KCNN2: variants seen among roughly 807,000 people sequenced by gnomAD.
KCNN2 encodes potassium calcium-activated channel subfamily N member 2, also known as small conductance calcium-activated potassium channel protein 2.
A neutral mutation model predicts 55.5 loss-of-function variants in KCNN2; 24 were observed. That is an observed-to-expected ratio of 0.43 (90% CI 0.31 to 0.61). The LOEUF (loss-of-function observed/expected upper bound fraction) is 0.61, where lower values mean the gene tolerates loss of function less well. KCNN2 is among the 20% of genes least tolerant of loss of function. The pLI is 0.08. For synonymous variants in KCNN2, 431 were observed against 336.1 expected (o/e 1.28, Z -3.09); for missense variants, 754 against 853.6 (o/e 0.88, Z 1.45).
intron 2 of KCNN2, among the ~76,000 whole-genome samples, chr5:114,265,891 CATT>C (rs1376429848): frequency 2.6e-5 from 4 of 152,130 alleles, no homozygotes; most frequent in Non-Finnish European, 5.9e-5. Flanking sequence ...TCAAAGCAAA[CATT>C]ATTGTATTTG....
chr5:114,101,665 A>G (rs566331516), intron 1 of KCNN2, among the ~76,000 whole-genome samples: 1 of 151,490 alleles, frequency 6.6e-6, no homozygotes, highest in East Asian at 2.0e-4. Flanking sequence ...ACCCCCACTT[A>G]TGAGTGAGAA....
intron 2 of KCNN2, among the ~76,000 whole-genome samples, chr5:114,343,529 T>C (rs962628553): frequency 1.3e-5 from 2 of 152,032 alleles, no homozygotes; most frequent in Non-Finnish European, 2.9e-5. Context: ...CCATAAAAAA[T>C]AATACATACA....
At chr5:114,159,795 G>T (rs558397512) in intron 1 of KCNN2, among the ~76,000 whole-genome samples, 1 of 152,292 alleles carries the variant, frequency 6.6e-6, no homozygotes, top group Admixed American at 6.5e-5. Context: ...TTGCGTAGAG[G>T]TGTTTATAGT....
intron 1 of KCNN2, among the ~76,000 whole-genome samples, chr5:114,115,137 TCA>T (rs1025417688): frequency 1.3e-5 from 2 of 152,168 alleles, no homozygotes; most frequent in African/African-American, 4.8e-5. Context: ...TGTCAGGCTT[TCA>T]TTGAGTTCAC....
chr5:114,426,660 G>A (rs1466082629), intron 3 of KCNN2, among the ~76,000 whole-genome samples: 1 of 152,060 alleles, frequency 6.6e-6, no homozygotes. Flanking sequence ...AACATTTGTG[G>A]TCATTGGAAC....
chr5:114,122,449 T>G (rs1233267009), intron 1 of KCNN2, among the ~76,000 whole-genome samples: 2 of 152,184 alleles, frequency 1.3e-5, no homozygotes, highest in African/African-American at 4.8e-5. Flanking sequence ...TTCTACTCAT[T>G]ATTCTGTCCT....
chr5:114,160,185 G>A (rs1752738870), intron 1 of KCNN2, among the ~76,000 whole-genome samples: 1 of 152,144 alleles, frequency 6.6e-6, no homozygotes, highest in Non-Finnish European at 1.5e-5. Flanking sequence ...ATGTGTCCCA[G>A]AGATTCTGGT....
intron 1 of KCNN2, among the ~76,000 whole-genome samples, chr5:114,118,303 C>T (rs1035898565): frequency 2.0e-5 from 3 of 152,162 alleles, no homozygotes; most frequent in African/African-American, 7.2e-5. Flanking sequence ...CACACACATA[C>T]ACACACTCTC....
At chr5:114,208,742 A>G (rs1753820621) in intron 1 of KCNN2, among the ~76,000 whole-genome samples, 1 of 152,182 alleles carries the variant, frequency 6.6e-6, no homozygotes, top group African/African-American at 2.4e-5. Context: ...AAACCGTTCC[A>G]CTTAATACGC....
At chr5:114,472,954 C>G (rs1024035748) in intron 4 of KCNN2, 100 bp from the exon 5 acceptor site, 1 of 625,996 alleles carries the variant, frequency 1.6e-6, no homozygotes, top group African/African-American at 1.8e-5. Context: ...TGTTTTTAAT[C>G]CTGAGAAACT....
rs571256757 is a variant in KCNN2 at position 114,356,183 on chromosome 5, G to C, written c.-184-4762G>C. Among the ~76,000 whole-genome samples the C allele has an allele frequency of 2.0e-5, 3 of 152,224 alleles. No individual in the cohort carries two copies. The East Asian group carries it at 5.8e-4, about 29-fold the overall frequency. On this transcript the variant is annotated intron_variant, in intron 2 of 10. Transcript: ENST00000512097. Reference sequence around the variant, plus strand: ...GCTTCTCTTTGCTGCTCACTAGCTAGCTATGTCACCTTGGGTAGGGTAGGC... The same window carrying C: ...GCTTCTCTTTGCTGCTCACTAGCTACCTATGTCACCTTGGGTAGGGTAGGC...
chr5:114,385,156 C>A (rs1464593475), intron 2 of KCNN2, among the ~76,000 whole-genome samples: 1 of 151,910 alleles, frequency 6.6e-6, no homozygotes, highest in Non-Finnish European at 1.5e-5. Flanking sequence ...CCACCAATTT[C>A]TCTCTTTGCT....
chr5:114,176,519 C>T lies in KCNN2; in HGVS notation c.-270-44961C>T, dbSNP rs534000027. Reference sequence around the variant, plus strand: ...GCTCAAATACTTTACATTCTAATATCACTAAGAAAACATCACAAGAATGAC... The same window carrying T: ...GCTCAAATACTTTACATTCTAATATTACTAAGAAAACATCACAAGAATGAC... On this transcript the variant is annotated intron_variant, in intron 1 of 10. Transcript: ENST00000512097. Among the ~76,000 whole-genome samples the T allele has an allele frequency of 3.3e-5, 5 of 152,220 alleles. No homozygotes were observed. The South Asian group carries it at 8.3e-4, about 25-fold the overall frequency.
At chr5:114,183,728 T>C (rs1753279790) in intron 1 of KCNN2, among the ~76,000 whole-genome samples, 1 of 144,548 alleles carries the variant, frequency 6.9e-6, no homozygotes, top group Admixed American at 6.9e-5. Flanking sequence ...TGTACTCTCC[T>C]TTTTTTTTTT....
intron 1 of KCNN2, among the ~76,000 whole-genome samples, chr5:114,094,161 TCTGA>T (rs1751208332): frequency 6.6e-6 from 1 of 152,204 alleles, no homozygotes; most frequent in Admixed American, 6.5e-5. Context: ...GAGTTTGCTG[TCTGA>T]CTGTGTAACT....
chr5:114,231,935 A>T (rs1251406305), intron 2 of KCNN2, among the ~76,000 whole-genome samples: 2 of 150,958 alleles, frequency 1.3e-5, no homozygotes, highest in Admixed American at 1.3e-4. Context: ...ATTGGAGGCT[A>T]TTAGCATCTG....
At chr5:114,334,915 C>G (rs1756893360) in intron 2 of KCNN2, among the ~76,000 whole-genome samples, 1 of 152,058 alleles carries the variant, frequency 6.6e-6, no homozygotes, top group Non-Finnish European at 1.5e-5. Flanking sequence ...ACTTGTGCCA[C>G]TTAAGGGCAC....
intron 2 of KCNN2, among the ~76,000 whole-genome samples, chr5:114,370,375 A>T (rs965390865): frequency 1.3e-5 from 2 of 152,184 alleles, no homozygotes; most frequent in African/African-American, 4.8e-5. Flanking sequence ...TGCAAATGCA[A>T]TGAGGAATAA....
chr5:114,208,655 C>T (rs2112579616), intron 1 of KCNN2, among the ~76,000 whole-genome samples: 1 of 152,224 alleles, frequency 6.6e-6, no homozygotes, highest in African/African-American at 2.4e-5. Context: ...GTATATGATT[C>T]TATGAAAAAT....
Sources: gnomAD v4.1 joint callset for allele counts (sites outside exome capture counted in the v4.1 genomes callset) on GRCh38, gnomAD v4.1.1 for gene constraint, MANE v1.5 for transcripts, NCBI Gene and HGNC (gene_info 2026-07-23, HGNC 2026-07-21) for gene names.